The following SLC66A3 variants were observed in gnomAD, a reference collection of about 807,000 sequenced individuals.
The protein encoded by SLC66A3 is solute carrier family 66 member 3.
A neutral mutation model predicts 25.5 loss-of-function variants in SLC66A3; 23 were observed. That is an observed-to-expected ratio of 0.90 (90% CI 0.65 to 1.28). The LOEUF is 1.28. Ranked by LOEUF, SLC66A3 falls within the 50% of genes most tolerant of loss-of-function variation. SLC66A3 has a pLI of 0.00. For missense variants in SLC66A3, 246 were observed against 262.1 expected (o/e 0.94, Z 0.42); for synonymous variants, 108 against 112.6 (o/e 0.96, Z 0.26).
At chr2:11,161,272 T>G (rs928108069) in intron 3 of SLC66A3, among the ~76,000 whole-genome samples, 6 of 78,982 alleles carry the variant, frequency 7.6e-5, no homozygotes, top group Admixed American at 1.6e-4. Context: ...GTTTTTTTTT[T>G]TTTGTTTCAT....
intron 1 of SLC66A3, chr2:11,160,206 G>A (rs968738142): frequency 2.0e-5 from 11 of 546,820 alleles, no homozygotes; most frequent in Admixed American, 6.4e-5. Flanking sequence ...CTTTGTAAGC[G>A]ACCATCTCAA....
intron 4 of SLC66A3, among the ~76,000 whole-genome samples, chr2:11,169,837 CTTTTTT>C (rs1186098636): frequency 2.2e-5 from 2 of 89,046 alleles, no homozygotes; most frequent in South Asian, 3.9e-4. Flanking sequence ...GGATTTCTCT[CTTTTTT>C]TTTTTTTTTT....
At chr2:11,170,994 C>T (rs1383158767) in intron 4 of SLC66A3, among the ~76,000 whole-genome samples, 3 of 152,106 alleles carry the variant, frequency 2.0e-5, no homozygotes, top group Non-Finnish European at 4.4e-5. Flanking sequence ...CATTAGTTAC[C>T]CACTGCACGG....
chr2:11,171,592 G>T (rs1259899903), intron 4 of SLC66A3, among the ~76,000 whole-genome samples: 1 of 150,836 alleles, frequency 6.6e-6, no homozygotes, highest in Non-Finnish European at 1.5e-5. Context: ...TTTTGAGATG[G>T]GAGTCTCACT....
rs1661859857 is a variant in SLC66A3 at position 11,155,571 on chromosome 2, T to C, written c.25T>C (p.Cys9Arg). 6.6e-7 allele frequency: 1 copy of C among 1,512,988 alleles called. No homozygotes were observed. The highest frequency in any genetic ancestry group is 8.8e-7 in the Non-Finnish European group (1 of 1,140,090). 93.7% of individuals were successfully genotyped at this position (1,512,988 alleles called of 1,614,324 possible). The change falls in exon 1 of 7, where the codon TGT becomes CGT. Residue 9 changes from cysteine (C) to arginine (R), a missense_variant. Physicochemically the swap from Cys to Arg is radical, Grantham distance 180. Coordinates refer to ENST00000295083, the MANE Select transcript of SLC66A3 (RefSeq NM_152391.5). The part of the protein sequence containing the change: MEAALLGL[C>R]NWSTLGVCAA... ...TATGGAGGCGGCGCTGCTGGGGCTG[T>C]GTAACTGGAGCACGCTGGGCGTGTG...
At chr2:11,172,675 G>A (rs1366586484) in intron 5 of SLC66A3, 2 of 371,358 alleles carry the variant, frequency 5.4e-6, no homozygotes, top group Admixed American at 6.1e-5. Context: ...CATGGTTGCT[G>A]GTCTTTATAT....
intron 1 of SLC66A3, among the ~76,000 whole-genome samples, chr2:11,155,927 C>T (rs538692127): frequency 1.1e-4 from 17 of 152,322 alleles, no homozygotes; most frequent in African/African-American, 3.8e-4. Flanking sequence ...TGATTGCGCA[C>T]GCCCATTTTA....
At chr2:11,158,705 C>T (rs1236349356) in intron 1 of SLC66A3, among the ~76,000 whole-genome samples, 2 of 151,656 alleles carry the variant, frequency 1.3e-5, no homozygotes, top group African/African-American at 2.4e-5. Flanking sequence ...CATGTAGTCT[C>T]AGCTACTCGG....
At chr2:11,176,817 C>T (rs974726998) in intron 6 of SLC66A3, among the ~76,000 whole-genome samples, 4 of 152,030 alleles carry the variant, frequency 2.6e-5, no homozygotes, top group East Asian at 1.9e-4. Context: ...CGTGAGCCAC[C>T]GCGCCCGGCC....
At chr2:11,160,096 C>G (rs115671056) in intron 1 of SLC66A3, among the ~76,000 whole-genome samples, 1 of 152,146 alleles carries the variant, frequency 6.6e-6, no homozygotes, top group East Asian at 1.9e-4. Flanking sequence ...GGGCAGCTGC[C>G]GGGGTCAGTG....
At chr2:11,161,353 A>C (rs1662124331) in intron 3 of SLC66A3, among the ~76,000 whole-genome samples, 4 of 151,436 alleles carry the variant, frequency 2.6e-5, no homozygotes, top group African/African-American at 9.7e-5. Context: ...ATCAAAGCTC[A>C]CTGCAGCCTT....
chr2:11,174,736 G>A (rs1199700250), intron 5 of SLC66A3, among the ~76,000 whole-genome samples: 1 of 152,122 alleles, frequency 6.6e-6, no homozygotes, highest in African/African-American at 2.4e-5. Context: ...CCTGACCTCA[G>A]GTGATCCGGC....
chr2:11,175,171 ATTG>A (rs1211625905), intron 6 of SLC66A3, among the ~76,000 whole-genome samples, 162 bp downstream of exon 6: 1 of 152,064 alleles, frequency 6.6e-6, no homozygotes, highest in Non-Finnish European at 1.5e-5. Flanking sequence ...CACCATTTTT[ATTG>A]TTAAGCCTCT....
Position 11,160,728 on chromosome 2 carries a change from C to T in SLC66A3, c.296+34C>T, listed in dbSNP as rs137965414. Reference sequence around the variant, plus strand: ...TCTGAATCTGAGCCAGAAGTGGGAACGGGGATGTTATTTGTGAATGGTATG... The same window carrying T: ...TCTGAATCTGAGCCAGAAGTGGGAATGGGGATGTTATTTGTGAATGGTATG... On this transcript the variant is annotated intron_variant, in intron 3 of 6. Coordinates refer to ENST00000295083, the MANE Select transcript of SLC66A3 (RefSeq NM_152391.5). The T allele has an allele frequency of 5.4e-3, 8,742 of 1,612,032 alleles. 54 individuals are homozygous for T. Among genetic ancestry groups the T allele is most frequent in the Middle Eastern group, 0.027 (161 of 6,058 alleles).
chr2:11,177,797 G>A lies in SLC66A3; in HGVS notation c.578G>A (p.Arg193His), dbSNP rs772203255. Reference sequence around the variant, plus strand: ...ATATGGGTAACAGTGACAGTACTTCGCTACCGGAAGACCGCTATAAAGGCT... The same window carrying A: ...ATATGGGTAACAGTGACAGTACTTCACTACCGGAAGACCGCTATAAAGGCT... ...LNIWVTVTVL[R>H]YRKTAIKAE The change falls in exon 7 of 7, where the codon CGC (arginine) becomes CAC (histidine). Residue 193 changes from arginine (R) to histidine (H), a missense_variant. Coordinates refer to ENST00000295083, the MANE Select transcript of SLC66A3 (RefSeq NM_152391.5). The A allele has an allele frequency of 6.8e-6, 11 of 1,610,162 alleles. No homozygotes were observed. The highest frequency in any genetic ancestry group is 1.6e-4 in the Middle Eastern group (1 of 6,076).
intron 4 of SLC66A3, among the ~76,000 whole-genome samples, chr2:11,167,839 C>A (rs113379738): frequency 6.6e-6 from 1 of 152,170 alleles, no homozygotes; most frequent in Non-Finnish European, 1.5e-5. Context: ...AGTGGAAAAC[C>A]TCCATTGTAG....
chr2:11,175,457 C>T (rs376334458), intron 6 of SLC66A3, among the ~76,000 whole-genome samples: 3 of 152,188 alleles, frequency 2.0e-5, no homozygotes, highest in African/African-American at 7.2e-5. Flanking sequence ...AGGCCAGACT[C>T]TTAACAAGGA....
intron 6 of SLC66A3, among the ~76,000 whole-genome samples, chr2:11,176,589 CG>C: frequency 1.1e-5 from 1 of 91,988 alleles, no homozygotes; most frequent in South Asian, 4.6e-4. Flanking sequence ...AGTGCAGTGG[CG>C]GGATCTCGGC....
At chr2:11,169,480 G>A (rs758914052) in intron 4 of SLC66A3, among the ~76,000 whole-genome samples, 1 of 152,062 alleles carries the variant, frequency 6.6e-6, no homozygotes, top group Non-Finnish European at 1.5e-5. Flanking sequence ...TTCATATCTC[G>A]GTAGCTTTTG....
Sources: allele counts gnomAD v4.1 joint callset (sites outside exome capture counted in the v4.1 genomes callset), GRCh38; gene constraint gnomAD v4.1.1; transcripts MANE v1.5; gene names NCBI Gene and HGNC (gene_info 2026-07-23, HGNC 2026-07-21).